PPP4C: variants seen among roughly 807,000 people sequenced by gnomAD.
The protein encoded by PPP4C is serine/threonine-protein phosphatase 4 catalytic subunit.
Under a neutral mutation model 40.5 loss-of-function variants are expected in PPP4C, and 10 were observed. The ratio of observed to expected loss-of-function variants is 0.25; its 90% CI spans 0.15 to 0.42. The LOEUF (loss-of-function observed/expected upper bound fraction) is 0.42, where lower values mean the gene tolerates loss of function less well. Among genes scored for constraint, PPP4C ranks in the 10% least tolerant of loss-of-function variants. PPP4C has a pLI of 1.00. For synonymous variants in PPP4C, 187 were observed against 163.6 expected (o/e 1.14, Z -1.09); for missense variants, 191 against 416.4 (o/e 0.46, Z 4.71).
At position 30,082,736 on chromosome 16, in the gene PPP4C, T is replaced by C; in HGVS notation, c.202-10T>C. 6.2e-7 allele frequency: 1 copy of C among 1,611,812 alleles called. No homozygotes were observed. Among genetic ancestry groups the C allele is most frequent in the Non-Finnish European group, 8.5e-7 (1 of 1,178,374 alleles). On this transcript the variant is annotated splice_polypyrimidine_tract_variant and intron_variant, in intron 4 of 8. Coordinates refer to ENST00000279387, the MANE Select transcript of PPP4C (RefSeq NM_002720.3). ...TTTACGACAGGGCAAAACTTTCTAC[T>C]TCCCCACAGGTAGGTGGCGACGTCC...
chr16:30,079,414 T>C (rs1002734374), intron 2 of PPP4C, among the ~76,000 whole-genome samples: 1 of 152,118 alleles, frequency 6.6e-6, no homozygotes, highest in Admixed American at 6.6e-5. Flanking sequence ...GGTCTCAATC[T>C]CTTGACCTCA....
At chr16:30,077,681 C>T (rs1232495415) in intron 2 of PPP4C, among the ~76,000 whole-genome samples, 1 of 152,216 alleles carries the variant, frequency 6.6e-6, no homozygotes, top group African/African-American at 2.4e-5. Flanking sequence ...CTTTACAGGG[C>T]CACTATTTGG....
At chr16:30,077,453 T>C (rs1212936567) in intron 2 of PPP4C, among the ~76,000 whole-genome samples, 1 of 151,996 alleles carries the variant, frequency 6.6e-6, no homozygotes, top group Non-Finnish European at 1.5e-5. Flanking sequence ...AGGATGAAGA[T>C]AATTTGGCTA....
intron 7 of PPP4C, 58 bp from the exon 8 acceptor site, chr16:30,084,608 C>A: frequency 6.5e-7 from 1 of 1,534,438 alleles, no homozygotes; most frequent in Non-Finnish European, 9.0e-7. Context: ...CAAGGGGCAG[C>A]GCTGGCAGCC....
intron 2 of PPP4C, among the ~76,000 whole-genome samples, chr16:30,077,692 C>T (rs2072427731): frequency 6.6e-6 from 1 of 152,222 alleles, no homozygotes; most frequent in African/African-American, 2.4e-5. Flanking sequence ...CACTATTTGG[C>T]CTGGCCCGGT....
intron 2 of PPP4C, among the ~76,000 whole-genome samples, chr16:30,078,143 T>C (rs551709532): frequency 1.3e-5 from 2 of 152,260 alleles, no homozygotes; most frequent in Admixed American, 6.5e-5. Context: ...GTGGTGGTGA[T>C]GGTAGACAAA....
In PPP4C at chr16:30,079,779, AAG is replaced by A. The variant is rs529460410; in HGVS notation, c.99-1477_99-1476del. 1.2e-4 allele frequency among the ~76,000 whole-genome samples: 19 copies of A among 152,288 alleles called. No homozygotes were observed. In the East Asian group the frequency reaches 2.9e-3, roughly 23 times the overall value. ...CATTCTAAGGGAAGAGATTGGCAGA[AAG>A]AGGGGGGCCAGGCGAGTTGGGCCTC... On this transcript the variant is annotated intron_variant, in intron 2 of 8. Transcript: ENST00000279387.
In PPP4C at chr16:30,076,385, A is replaced by G. The variant is rs2072396382; in HGVS notation, c.8A>G (p.Glu3Gly). ...CCGCGCCGGGGGTGGGCCATGGCGG[A>G]GATCAGCGACCTGGACCGGCAGATC... MA[E>G]ISDLDRQIEQ... The change falls in exon 2 of 9, where the codon GAG becomes GGG. Residue 3 changes from glutamate to glycine, a missense_variant. Glu to Gly is a moderately conservative substitution (Grantham distance 98). Transcript: ENST00000279387. The G allele has an allele frequency of 6.2e-7, 1 of 1,612,954 alleles. No individual in the cohort carries two copies. Among genetic ancestry groups the G allele is most frequent in the African/African-American group, 1.3e-5 (1 of 75,036 alleles).
At chr16:30,077,412 G>C (rs2072422547) in intron 2 of PPP4C, among the ~76,000 whole-genome samples, 1 of 152,178 alleles carries the variant, frequency 6.6e-6, no homozygotes, top group South Asian at 2.1e-4. Flanking sequence ...AAAGCCATCA[G>C]GGAGGGCTTT....
chr16:30,085,161 C>A lies in PPP4C; in HGVS notation c.*99C>A. The A allele has an allele frequency of 6.9e-7, 1 of 1,448,474 alleles. No homozygotes were observed. The highest frequency in any genetic ancestry group is 9.5e-7 in the Non-Finnish European group (1 of 1,057,474). 89.7% of individuals were successfully genotyped at this position (1,448,474 alleles called of 1,614,324 possible). A position where few individuals can be genotyped will look rare whatever the true frequency, so the allele number is the denominator to read the frequency against. ...GAGGCTGGGCGTGGGGGGGGCTGTC[C>A]TGGCTCTGCTGTCCCCCAAGAGGGT... On this transcript the variant is annotated 3_prime_UTR_variant, in exon 9 of 9. Transcript: ENST00000279387.
rs533437502 is a variant in PPP4C, at chr16:30,085,135, G to A, written c.*73G>A. 6 of 1,539,460 alleles carry A rather than the reference G, an allele frequency of 3.9e-6. No individual in the cohort carries two copies. The highest frequency in any genetic ancestry group is 3.2e-5 in the African/African-American group (2 of 62,664). ...TGTGACTCTGCCATCTTCCTCAGAC[G>A]GAGGCTGGGCGTGGGGGGGGCTGTC... On this transcript the variant is annotated 3_prime_UTR_variant, in exon 9 of 9. Transcript: ENST00000279387.
intron 2 of PPP4C, 32 bp downstream of exon 2, chr16:30,076,507 A>G (rs1283166593): frequency 6.3e-6 from 10 of 1,579,084 alleles, no homozygotes; most frequent in African/African-American, 4.1e-5. Flanking sequence ...AAGGGAGGCC[A>G]AGCCGCCGCC....
chr16:30,076,411 G>A lies in PPP4C; in HGVS notation c.34G>A (p.Glu12Lys). 3.7e-6 allele frequency: 6 copies of A among 1,613,262 alleles called. No homozygotes were observed. Among genetic ancestry groups the A allele is most frequent in the Non-Finnish European group, 5.1e-6 (6 of 1,179,820 alleles). The change falls in exon 2 of 9, where the codon GAG becomes AAG. Residue 12 changes from glutamate to lysine, a missense_variant. Glu to Lys is a moderately conservative substitution (Grantham distance 56). Transcript: ENST00000279387. ...GATCAGCGACCTGGACCGGCAGATCGAGCAGCTGCGTCGCTGCGAGCTCAT... is the reference window on the plus strand; with the variant it reads ...GATCAGCGACCTGGACCGGCAGATCAAGCAGCTGCGTCGCTGCGAGCTCAT... Reference protein sequence around the residue: ...AEISDLDRQIEQLRRCELIKE... With the variant: ...AEISDLDRQIKQLRRCELIKE...
Position 30,083,381 on chromosome 16 carries a change from T to C in PPP4C, c.304-13T>C. On this transcript the variant is annotated splice_polypyrimidine_tract_variant and intron_variant, in intron 5 of 8. Coordinates refer to ENST00000279387, the MANE Select transcript of PPP4C (RefSeq NM_002720.3). The surrounding 1 kb of genome is among the most constrained non-coding windows in gnomAD (Gnocchi z 6.3). ...CGTCTAGGCGCCAGCCCTGGCTTGG[T>C]GGCCACCCCCAGGTTCGCTATCCTG... The C allele has an allele frequency of 6.2e-7, 1 of 1,603,130 alleles. No homozygotes were observed. Among genetic ancestry groups the C allele is most frequent in the African/African-American group, 1.3e-5 (1 of 74,880 alleles).
At position 30,076,559 on chromosome 16, in the gene PPP4C, G is replaced by T. The variant is rs1034565844; in HGVS notation, c.98+84G>T. ...GGGCAAACCCAACTGAGAACTTTGG[G>T]CTTGCCTCGTTCTGGAAGCTTTCCC... is the stretch of plus-strand genomic sequence containing the variant. On this transcript the variant is annotated intron_variant, in intron 2 of 8. Transcript: ENST00000279387. 2.9e-6 allele frequency: 4 copies of T among 1,384,026 alleles called. No individual in the cohort carries two copies. In the African/African-American group the frequency reaches 4.3e-5, roughly 15 times the overall value. The allele number at this position is 1,384,026 out of a possible 1,614,324, so 85.7% of individuals were successfully genotyped here.
In PPP4C at chr16:30,082,811, T is replaced by C. The variant is rs764181114; in HGVS notation, c.267T>C (p.Tyr89=). The change falls in exon 5 of 9, where the codon TAT becomes TAC. Residue 89 remains tyrosine, a synonymous_variant. Coordinates refer to ENST00000279387, the MANE Select transcript of PPP4C (RefSeq NM_002720.3). ...FMGDFVDRGF[Y]SVETFLLLLA... is the part of the protein sequence containing the mutation. ...GGGACTTTGTGGACCGTGGCTTCTA[T>C]AGCGTCGAAACGTTCCTCCTGCTGC... 9.9e-6 allele frequency: 16 copies of C among 1,614,128 alleles called. No individual in the cohort carries two copies. The highest frequency in any genetic ancestry group is 6.7e-5 in the East Asian group (3 of 44,876).
At chr16:30,081,010 C>T (rs2072495536) in intron 2 of PPP4C, among the ~76,000 whole-genome samples, 3 of 152,130 alleles carry the variant, frequency 2.0e-5, no homozygotes, top group Admixed American at 2.0e-4. Context: ...TGGAAAAGTC[C>T]CAGCCTGCTC....
At position 30,083,888 on chromosome 16, in the gene PPP4C, TGGAA is replaced by T; in HGVS notation, c.604+108_604+111del. ...ACTCGTCCTCCACCTGCCAAATGGC[TGGAA>T]CCCTGGAGGAGGAGCAGGGAGGCCT... is the stretch of plus-strand genomic sequence containing the variant. On this transcript the variant is annotated intron_variant, in intron 7 of 8. Transcript: ENST00000279387. The surrounding 1 kb of genome is among the most constrained non-coding windows in gnomAD (Gnocchi z 6.3). 5 of 1,511,214 alleles carry T rather than the reference TGGAA, an allele frequency of 3.3e-6. No homozygotes were observed. The highest frequency in any genetic ancestry group is 4.5e-6 in the Non-Finnish European group (5 of 1,112,720). 93.6% of individuals were successfully genotyped at this position (1,511,214 alleles called of 1,614,324 possible). A position where few individuals can be genotyped will look rare whatever the true frequency, so the allele number is the denominator to read the frequency against.
At chr16:30,084,517 TC>T in intron 7 of PPP4C, 148 bp from the exon 8 acceptor site, 1 of 724,728 alleles carries the variant, frequency 1.4e-6, no homozygotes, top group Non-Finnish European at 2.4e-6. Context: ...GTCCCCGCCA[TC>T]CCACAGACCA....
Sources: gnomAD v4.1 joint callset for allele counts (sites outside exome capture counted in the v4.1 genomes callset) on GRCh38, gnomAD v4.1.1 for gene constraint, Gnocchi (gnomAD v3.1) non-coding constraint, MANE v1.5 for transcripts, NCBI Gene and HGNC (gene_info 2026-07-23, HGNC 2026-07-21) for gene names.